Variants in RBFOX3 observed in about 807,000 individuals in gnomAD.
RBFOX3 encodes RNA binding fox-1 homolog 3.
RBFOX3 carries 17 observed loss-of-function variants against 48.7 expected under a neutral mutation model. The observed-to-expected ratio is 0.35, with a 90% CI of 0.24 to 0.52. The LOEUF (loss-of-function observed/expected upper bound fraction) is 0.52, where lower values mean the gene tolerates loss of function less well. Among genes scored for constraint, RBFOX3 ranks in the 20% least tolerant of loss-of-function variants. RBFOX3 has a pLI of 0.94. For synonymous variants in RBFOX3, 212 were observed against 209.5 expected (o/e 1.01, Z -0.10); for missense variants, 382 against 497.5 (o/e 0.77, Z 2.21).
At chr17:79,118,137 T>A (rs569157232) in intron 4 of RBFOX3, among the ~76,000 whole-genome samples, 1 of 151,816 alleles carries the variant, frequency 6.6e-6, no homozygotes, top group Non-Finnish European at 1.5e-5. Context: ...GCGGGGGCCG[T>A]CTCGGTGCTC....
chr17:79,279,276 TG>T (rs1359989744), intron 3 of RBFOX3, among the ~76,000 whole-genome samples: 1 of 152,144 alleles, frequency 6.6e-6, no homozygotes, highest in Non-Finnish European at 1.5e-5. Context: ...TTTGGGGACA[TG>T]GGTCCTGGCA....
chr17:79,305,083 C>A (rs779786408), intron 3 of RBFOX3, among the ~76,000 whole-genome samples: 3 of 152,184 alleles, frequency 2.0e-5, no homozygotes, highest in East Asian at 1.9e-4. Context: ...GTGGGTGGGC[C>A]GCCGCCTGGC....
Position 79,390,919 on chromosome 17 carries a change from G to A in RBFOX3, c.-174-83095C>T, listed in dbSNP as rs1422385732. 6.6e-6 allele frequency among the ~76,000 whole-genome samples: 1 copy of A among 152,136 alleles called. No homozygotes were observed. Among genetic ancestry groups the A allele is most frequent in the African/African-American group, 2.4e-5 (1 of 41,428 alleles). ...GTGGGACTGCTCGGGTGCCGGCAGGGAGTTCCTGGACCCACCCAAAGCCAG... is the reference window on the plus strand; with the variant it reads ...GTGGGACTGCTCGGGTGCCGGCAGGAAGTTCCTGGACCCACCCAAAGCCAG... On this transcript the variant is annotated intron_variant, in intron 2 of 14. Coordinates refer to ENST00000693108, the MANE Select transcript of RBFOX3 (RefSeq NM_001350451.2). This position sits in a 1 kb window ranked among gnomAD's most constrained non-coding sequence, Gnocchi z 4.2.
intron 2 of RBFOX3, among the ~76,000 whole-genome samples, chr17:79,327,977 A>G (rs1306092589): frequency 6.6e-6 from 1 of 152,216 alleles, no homozygotes; most frequent in Non-Finnish European, 1.5e-5. Flanking sequence ...TACAGGTGTG[A>G]GCCACCGCAC....
At chr17:79,478,623 A>T (rs1406510654) in intron 2 of RBFOX3, among the ~76,000 whole-genome samples, 1 of 152,218 alleles carries the variant, frequency 6.6e-6, no homozygotes. Context: ...TGGTTTAGGA[A>T]AATTCAGGTT....
chr17:79,544,503 C>T (rs782089534), intron 1 of RBFOX3, among the ~76,000 whole-genome samples: 54 of 152,116 alleles, frequency 3.5e-4, no homozygotes, highest in Middle Eastern at 3.4e-3. Flanking sequence ...AGAAACAAAG[C>T]GCAGAAGGAT....
At chr17:79,178,475 C>T (rs1004127168) in intron 4 of RBFOX3, among the ~76,000 whole-genome samples, 2 of 152,214 alleles carry the variant, frequency 1.3e-5, no homozygotes, top group Non-Finnish European at 2.9e-5. Context: ...ACTCGAGCCC[C>T]AATTCTGGAA....
At chr17:79,584,472 A>G (rs1198464296) in intron 1 of RBFOX3, among the ~76,000 whole-genome samples, 4 of 152,254 alleles carry the variant, frequency 2.6e-5, no homozygotes, top group Non-Finnish European at 5.9e-5. Flanking sequence ...CCGCAATTAC[A>G]AAAATATGGA....
chr17:79,127,202 C>T (rs1214106709), intron 4 of RBFOX3, among the ~76,000 whole-genome samples: 1 of 152,220 alleles, frequency 6.6e-6, no homozygotes, highest in East Asian at 1.9e-4. Context: ...TGCACCCTTC[C>T]TTCCTGAGGG....
At chr17:79,639,724 T>G in the RBFOX3 span, among the ~76,000 whole-genome samples, 1 of 152,100 alleles carries the variant, frequency 6.6e-6, no homozygotes, top group African/African-American at 2.4e-5. Flanking sequence ...ATTAACAGAA[T>G]GAAAGGGAAA....
At chr17:79,382,419 A>G (rs1231180934) in intron 2 of RBFOX3, among the ~76,000 whole-genome samples, 1 of 152,236 alleles carries the variant, frequency 6.6e-6, no homozygotes, top group Non-Finnish European at 1.5e-5. Context: ...GACAGTGGCA[A>G]AAAGTGTACT....
In RBFOX3 at chr17:79,219,254, G is replaced by C. The variant is rs531843570; in HGVS notation, c.-34+16512C>G. ...TGCCTGGGAAGTGTTCCTGGGCTGA[G>C]GCTGCTGGCTGGGCACAGGGGAAAA... On this transcript the variant is annotated intron_variant, in intron 4 of 14. Transcript: ENST00000693108. Among the ~76,000 whole-genome samples, 8 of 152,330 alleles carry C rather than the reference G, an allele frequency of 5.3e-5. No individual in the cohort carries two copies. In the South Asian group the frequency reaches 1.7e-3, roughly 32 times the overall value.
chr17:79,272,469 T>C (rs964452095), intron 3 of RBFOX3, among the ~76,000 whole-genome samples: 6 of 152,156 alleles, frequency 3.9e-5, no homozygotes. Flanking sequence ...AGACAAGCCA[T>C]TCCCCTCTTC....
chr17:79,191,233 A>G (rs922105007), intron 4 of RBFOX3, among the ~76,000 whole-genome samples: 1 of 152,234 alleles, frequency 6.6e-6, no homozygotes, highest in African/African-American at 2.4e-5. Flanking sequence ...GAGAGGCCAC[A>G]TGGAGAGCAC....
chr17:79,403,132 C>T (rs1417404572), intron 2 of RBFOX3, among the ~76,000 whole-genome samples: 1 of 152,150 alleles, frequency 6.6e-6, no homozygotes. Flanking sequence ...GACTTGGCTC[C>T]CTCCCCCTCG....
intron 2 of RBFOX3, among the ~76,000 whole-genome samples, chr17:79,330,080 A>G (rs536599295): frequency 2.2e-4 from 33 of 152,292 alleles, no homozygotes; most frequent in Admixed American, 1.8e-3. Flanking sequence ...TGACCATCAC[A>G]TGAACTCCAG....
chr17:79,303,365 G>A (rs529604514), intron 3 of RBFOX3, among the ~76,000 whole-genome samples: 6 of 152,164 alleles, frequency 3.9e-5, no homozygotes, highest in Admixed American at 1.3e-4. Context: ...GGACAGCATC[G>A]TCTGAGTGGT....
chr17:79,483,176 T>C (rs1421748759), intron 1 of RBFOX3, among the ~76,000 whole-genome samples: 1 of 152,058 alleles, frequency 6.6e-6, no homozygotes, highest in East Asian at 1.9e-4. Flanking sequence ...CTGGCTTCTG[T>C]GATTTGGGGA....
the RBFOX3 span, among the ~76,000 whole-genome samples, chr17:79,618,569 G>A: frequency 3.9e-5 from 6 of 152,140 alleles, no homozygotes; most frequent in Non-Finnish European, 7.3e-5. Flanking sequence ...GTGCTCAGCC[G>A]AATCTCAGCA....
Sources: gnomAD v4.1 joint callset for allele counts (sites outside exome capture counted in the v4.1 genomes callset) on GRCh38, gnomAD v4.1.1 for gene constraint, Gnocchi (gnomAD v3.1) non-coding constraint, MANE v1.5 for transcripts, NCBI Gene and HGNC (gene_info 2026-07-23, HGNC 2026-07-21) for gene names.